The following UNKL variants were observed in gnomAD, a reference collection of about 807,000 sequenced individuals.
The protein encoded by UNKL is unk like zinc finger, also known as putative E3 ubiquitin-protein ligase UNKL.
A neutral mutation model predicts 78.0 loss-of-function variants in UNKL; 60 were observed. The observed-to-expected ratio is 0.77, with a 90% CI of 0.63 to 0.95. The LOEUF (loss-of-function observed/expected upper bound fraction) is 0.95, where lower values mean the gene tolerates loss of function less well. Among genes scored for constraint, UNKL ranks in the 40% least tolerant of loss-of-function variants. UNKL has a pLI of 0.00. For missense variants in UNKL, 1,159 were observed against 1,045.7 expected (o/e 1.11, Z -1.49); for synonymous variants, 608 against 474.8 (o/e 1.28, Z -3.65).
In UNKL at chr16:1,367,306, C is replaced by A. The variant is rs758262484; in HGVS notation, c.1832G>T (p.Arg611Leu). ...WQREAQEAKE[R>L]ARVADSDRQL... ...CCGGTCGCTATCGGCCACACGGGCACGCTCCTTGGCCTCCTGCGCCTCTCG... is the reference window on the plus strand; with the variant it reads ...CCGGTCGCTATCGGCCACACGGGCAAGCTCCTTGGCCTCCTGCGCCTCTCG... Residue 611 changes from arginine to leucine, a missense_variant, in exon 14 of 15, where the codon CGT becomes CTT. Arg to Leu is a moderately radical substitution (Grantham distance 102). Transcript: ENST00000389221. 6.4e-7 allele frequency: 1 copy of A among 1,554,158 alleles called. No individual in the cohort carries two copies. The highest frequency in any genetic ancestry group is 8.7e-7 in the Non-Finnish European group (1 of 1,154,126).
In UNKL at chr16:1,370,080, C is replaced by T. The variant is rs1451009978; in HGVS notation, c.1585+50G>A. 5.2e-6 allele frequency: 8 copies of T among 1,546,364 alleles called. No individual in the cohort carries two copies. In the Admixed American group the frequency reaches 1.2e-4, roughly 23 times the overall value. On this transcript the variant is annotated intron_variant, in intron 12 of 14. Transcript: ENST00000389221. ...AGTCAGGACGGCATCTGGGAGGGAG[C>T]CCCACGGAGGCTTCACGGCAACGCC...
chr16:1,405,095 G>A (rs1268013590), intron 2 of UNKL, among the ~76,000 whole-genome samples: 1 of 151,808 alleles, frequency 6.6e-6, no homozygotes, highest in Admixed American at 6.6e-5. Flanking sequence ...TTGGGAGGCT[G>A]AGGAGGGAGG....
intron 10 of UNKL, 120 bp from the exon 11 acceptor site, chr16:1,371,731 G>A: frequency 9.7e-7 from 1 of 1,031,156 alleles, no homozygotes; most frequent in Non-Finnish European, 1.4e-6. Context: ...AGAAGGCGTG[G>A]GAGTTGCTGG....
intron 14 of UNKL, among the ~76,000 whole-genome samples, 183 bp downstream of exon 14, chr16:1,366,909 A>AAAGGCGGCTCCCAGGGG (rs1411910375): frequency 1.7e-4 from 3 of 17,278 alleles, no homozygotes; most frequent in Non-Finnish European, 4.5e-4. Flanking sequence ...GCTCCCAGGG[A>AAAGGCGGCTCCCAGGGG]GACAGGCAAG....
chr16:1,401,533 C>T (rs371144949), intron 4 of UNKL, 35 bp downstream of exon 4: 60 of 1,487,048 alleles, frequency 4.0e-5, no homozygotes, highest in Middle Eastern at 3.8e-4. Context: ...GCCCGCCCCC[C>T]CCACCACCGC....
At chr16:1,413,093 T>C (rs575184623) in intron 2 of UNKL, among the ~76,000 whole-genome samples, 1 of 151,576 alleles carries the variant, frequency 6.6e-6, no homozygotes, top group South Asian at 2.1e-4. Flanking sequence ...ACAAAAACTA[T>C]GCAAAATTAG....
At chr16:1,409,234 A>G (rs1166717665) in intron 2 of UNKL, among the ~76,000 whole-genome samples, 1 of 152,196 alleles carries the variant, frequency 6.6e-6, no homozygotes, top group Admixed American at 6.5e-5. Context: ...TTAAAAACCA[A>G]TGAACTAAAG....
At chr16:1,413,622 A>G (rs2038147442) in intron 2 of UNKL, among the ~76,000 whole-genome samples, 1 of 152,244 alleles carries the variant, frequency 6.6e-6, no homozygotes, top group Non-Finnish European at 1.5e-5. Context: ...TGAGTCACAC[A>G]AGGGTTACCC....
intron 3 of UNKL, among the ~76,000 whole-genome samples, chr16:1,402,830 A>AC (rs2037587957): frequency 6.8e-6 from 1 of 146,160 alleles, no homozygotes; most frequent in African/African-American, 2.5e-5. Flanking sequence ...TAAACATACA[A>AC]AAAAAAAAAA....
At chr16:1,393,376 G>C (rs551902194) in intron 7 of UNKL, among the ~76,000 whole-genome samples, 1 of 151,880 alleles carries the variant, frequency 6.6e-6, no homozygotes, top group African/African-American at 2.4e-5. Context: ...CCACTGCAGC[G>C]TGGAGGAGGC....
intron 2 of UNKL, among the ~76,000 whole-genome samples, chr16:1,407,908 T>A (rs772663829): frequency 5.3e-5 from 8 of 151,620 alleles, no homozygotes; most frequent in Non-Finnish European, 1.0e-4. Context: ...TTTTTCCCAA[T>A]GAAAATGGGC....
In UNKL at chr16:1,363,302, CAAGTGTTAACTTT is replaced by C; in HGVS notation, c.*2925_*2937del. ...ATGCTATAGTGTAAAAAAATTTAAACAAGTGTTAACTTTAAACAGTTCGCTACAAGTAAATGAT... is the reference window on the plus strand; with the variant it reads ...ATGCTATAGTGTAAAAAAATTTAAACAAACAGTTCGCTACAAGTAAATGAT... On this transcript the variant is annotated 3_prime_UTR_variant, in exon 15 of 15. Transcript: ENST00000389221. The C allele has an allele frequency of 1.7e-6, 1 of 584,148 alleles. No individual in the cohort carries two copies. Among genetic ancestry groups the C allele is most frequent in the Non-Finnish European group, 3.1e-6 (1 of 326,688 alleles). 36.2% of individuals were successfully genotyped at this position (584,148 alleles called of 1,614,324 possible).
intron 9 of UNKL, among the ~76,000 whole-genome samples, chr16:1,386,018 T>A (rs1207025057): frequency 1.3e-5 from 2 of 152,178 alleles, no homozygotes; most frequent in African/African-American, 4.8e-5. Context: ...AAAAACCCAG[T>A]AACGGGGAGG....
In UNKL at chr16:1,403,193, G is replaced by GGTC; in HGVS notation, c.436_438dup (p.Asp146dup). On this transcript the variant is annotated inframe_insertion, in exon 3 of 15. Transcript: ENST00000389221. This position sits in a 1 kb window ranked among gnomAD's most constrained non-coding sequence, Gnocchi z 4.8. The stretch of plus-strand genomic sequence containing the variant: ...CTGACGTCACACACGGGCGGCCGCA[G>GGTC]GTCCAGGGGGCCGTGCGCGAAGGCA... The GGTC allele has an allele frequency of 6.2e-7, 1 of 1,613,482 alleles. No individual in the cohort carries two copies. Among genetic ancestry groups the GGTC allele is most frequent in the Non-Finnish European group, 8.5e-7 (1 of 1,179,730 alleles).
chr16:1,368,065 C>CATGAT, intron 12 of UNKL: 1 of 547,310 alleles, frequency 1.8e-6, no homozygotes, highest in Non-Finnish European at 3.2e-6. Flanking sequence ...TGACACCTGC[C>CATGAT]CCGGCCGGTC....
intron 9 of UNKL, 42 bp downstream of exon 9, chr16:1,390,590 G>A (rs1339478813): frequency 6.5e-6 from 10 of 1,532,498 alleles, no homozygotes; most frequent in South Asian, 6.0e-5. Flanking sequence ...CAGCCCTAAC[G>A]CGACATCAGG....
At chr16:1,394,418 C>CTA in intron 6 of UNKL, 1 of 705,782 alleles carries the variant, frequency 1.4e-6, no homozygotes, top group Non-Finnish European at 2.6e-6. Flanking sequence ...CCACAGGGAA[C>CTA]ACGCACACAT....
At chr16:1,378,647 C>G (rs2036421030) in intron 10 of UNKL, among the ~76,000 whole-genome samples, 1 of 152,226 alleles carries the variant, frequency 6.6e-6, no homozygotes, top group African/African-American at 2.4e-5. Context: ...GCGTCAGCCA[C>G]CACCTACCTC....
chr16:1,399,057 G>A lies in UNKL; in HGVS notation c.734+317C>T. 7.2e-7 allele frequency: 1 copy of A among 1,398,406 alleles called. No individual in the cohort carries two copies. Among genetic ancestry groups the A allele is most frequent in the Non-Finnish European group, 9.4e-7 (1 of 1,062,446 alleles). The allele number at this position is 1,398,406 out of a possible 1,614,324, so 86.6% of individuals were successfully genotyped here. On this transcript the variant is annotated intron_variant, in intron 5 of 14. Transcript: ENST00000389221. This position sits in a 1 kb window ranked among gnomAD's most constrained non-coding sequence, Gnocchi z 5.8. ...AGCGTGGCTGCAACCAGAGGCACGGGTGGGGCACACGGGGGTCCCAGCTGG... is the reference window on the plus strand; with the variant it reads ...AGCGTGGCTGCAACCAGAGGCACGGATGGGGCACACGGGGGTCCCAGCTGG...
Sources: allele counts gnomAD v4.1 joint callset (sites outside exome capture counted in the v4.1 genomes callset), GRCh38; gene constraint gnomAD v4.1.1; non-coding constraint Gnocchi (gnomAD v3.1); transcripts MANE v1.5; gene names NCBI Gene and HGNC (gene_info 2026-07-23, HGNC 2026-07-21).